Variants in C1QTNF3 observed in about 807,000 individuals in gnomAD.
C1QTNF3 encodes the protein complement C1q tumor necrosis factor-related protein 3.
Under a neutral mutation model 32.6 loss-of-function variants are expected in C1QTNF3, and 26 were observed. The observed-to-expected ratio is 0.80, with a 90% confidence interval of 0.58 to 1.11. C1QTNF3 has a LOEUF of 1.11. Among genes scored for constraint, C1QTNF3 ranks in the 50% least tolerant of loss-of-function variants. C1QTNF3 has a pLI of 0.00. For synonymous variants in C1QTNF3, 155 were observed against 146.0 expected, an observed-to-expected ratio of 1.06 and a Z score of -0.44; for missense variants, 362 against 398.2, an observed-to-expected ratio of 0.91 and a Z score of 0.77.
chr5:34,036,838 G>A (rs372604120), intron 1 of C1QTNF3, among the ~76,000 whole-genome samples: 2 of 152,116 alleles, frequency 1.3e-5, no homozygotes, highest in African/African-American at 4.8e-5. Flanking sequence ...TGTAATCCCA[G>A]CTACTTGGGA....
intron 1 of C1QTNF3, 75 bp from the exon 2 acceptor site, chr5:34,035,833 C>T (rs1484543624): frequency 1.8e-6 from 2 of 1,113,736 alleles, no homozygotes; most frequent in African/African-American, 1.6e-5. Flanking sequence ...TTCCACTGGC[C>T]TTGGCCCTTA....
At chr5:34,206,077 G>A in the C1QTNF3 span, among the ~76,000 whole-genome samples, 7 of 152,058 alleles carry the variant, frequency 4.6e-5, no homozygotes, top group African/African-American at 1.5e-4. Context: ...ACATTAATTG[G>A]TATTATATTT....
At chr5:34,146,244 G>A in the C1QTNF3 span, among the ~76,000 whole-genome samples, 3 of 152,124 alleles carry the variant, frequency 2.0e-5, no homozygotes, top group African/African-American at 7.2e-5. Context: ...CTCATGGATA[G>A]GAAGAATCAA....
rs148048439 is a variant in C1QTNF3 at position 34,027,301 on chromosome 5, C to A, written c.700+1453G>T. ...TTTAAGTATATTGGTACAACCCTTA[C>A]AGGGAGCAATTTGGCAAAATTGATA... On this transcript the variant is annotated intron_variant, in intron 4 of 5. Coordinates refer to ENST00000382065, the MANE Select transcript of C1QTNF3 (RefSeq NM_181435.6). Among the ~76,000 whole-genome samples, 29 of 152,272 alleles carry A rather than the reference C, an allele frequency of 1.9e-4. 1 individual carries two copies. The Middle Eastern group carries it at 0.014, about 71-fold the overall frequency.
At chr5:34,195,702 G>A in the C1QTNF3 span, among the ~76,000 whole-genome samples, 10 of 151,642 alleles carry the variant, frequency 6.6e-5, no homozygotes, top group East Asian at 1.9e-4. Flanking sequence ...TTAGCCGGGC[G>A]CAGTGGCGGG....
rs1397590725 is a variant in C1QTNF3 at position 34,035,682 on chromosome 5, C to G, written c.380G>C (p.Gly127Ala). The change falls in exon 2 of 6, where the codon GGC (glycine) becomes GCC (alanine). Residue 127 changes from glycine (G) to alanine (A), a missense_variant. Physicochemically the swap from Gly to Ala is moderately conservative, Grantham distance 60. Transcript: ENST00000382065. ...AGGAGGGCCCGGTGGCCCAGGGGGG[C>G]CTTGGTAGCCTCGAAAGCTGTAGTC... ...HGDYSFRGYQ[G>A]PPGPPGPPGI... The G allele has an allele frequency of 6.2e-7, 1 of 1,611,462 alleles. No individual in the cohort carries two copies. The highest frequency in any genetic ancestry group is 8.5e-7 in the Non-Finnish European group (1 of 1,179,246).
At chr5:34,043,739 A>C (rs2112127793), upstream of C1QTNF3, 1 of 152,622 alleles carries the variant, frequency 6.6e-6, no homozygotes, top group Admixed American at 6.5e-5. Context: ...CAAAACACTG[A>C]GCAGGATTCA....
the C1QTNF3 span, among the ~76,000 whole-genome samples, chr5:34,056,479 T>TATAGAG: frequency 7.9e-4 from 41 of 51,780 alleles, no homozygotes; most frequent in Admixed American, 1.4e-3. Flanking sequence ...TATATATATA[T>TATAGAG]AGAGAGAGAG....
chr5:34,213,336 G>C, the C1QTNF3 span, among the ~76,000 whole-genome samples: 2 of 152,034 alleles, frequency 1.3e-5, no homozygotes, highest in Non-Finnish European at 2.9e-5. Context: ...TCATTGCTAA[G>C]TGACACAAGG....
the C1QTNF3 span, among the ~76,000 whole-genome samples, chr5:34,112,322 G>T: frequency 6.6e-6 from 1 of 151,896 alleles, no homozygotes; most frequent in East Asian, 1.9e-4. Flanking sequence ...CATACTGAAA[G>T]ATCTGAGGAG....
At chr5:34,034,707 A>C (rs1754694407) in intron 2 of C1QTNF3, among the ~76,000 whole-genome samples, 1 of 152,186 alleles carries the variant, frequency 6.6e-6, no homozygotes, top group Non-Finnish European at 1.5e-5. Flanking sequence ...GTGTAACCTC[A>C]CAAGAGTTAA....
chr5:34,118,924 A>G, the C1QTNF3 span, among the ~76,000 whole-genome samples: 29 of 152,088 alleles, frequency 1.9e-4, no homozygotes, highest in Non-Finnish European at 3.4e-4. Context: ...GTGTATACAT[A>G]TATATATATT....
intron 5 of C1QTNF3, among the ~76,000 whole-genome samples, chr5:34,023,162 A>G (rs1043602446): frequency 3.9e-4 from 60 of 152,140 alleles, no homozygotes; most frequent in African/African-American, 1.4e-3. Context: ...GCTCAAAGTC[A>G]GTTTTATAGA....
chr5:34,026,509 T>C lies in C1QTNF3; in HGVS notation c.700+2245A>G, dbSNP rs138696750. ...GAAAAGAAAGAAAAAAAAAGTCTCC[T>C]GAAGGCAAGGGAACCAGGAAGTATA... On this transcript the variant is annotated intron_variant, in intron 4 of 5. Coordinates refer to ENST00000382065, the MANE Select transcript of C1QTNF3 (RefSeq NM_181435.6). Among the ~76,000 whole-genome samples, 574 of 150,208 alleles carry C rather than the reference T, an allele frequency of 3.8e-3. 18 individuals carry two copies. Among genetic ancestry groups the C allele is most frequent in the Admixed American group, 0.034 (517 of 15,096 alleles).
At chr5:34,068,656 C>T in the C1QTNF3 span, among the ~76,000 whole-genome samples, 1 of 151,988 alleles carries the variant, frequency 6.6e-6, no homozygotes, top group Non-Finnish European at 1.5e-5. Context: ...ATTTGTCATA[C>T]ATAAGTAATA....
At chr5:34,153,720 G>T in the C1QTNF3 span, among the ~76,000 whole-genome samples, 18 of 97,698 alleles carry the variant, frequency 1.8e-4, no homozygotes, top group African/African-American at 6.4e-4. Flanking sequence ...GTCGGGGGAG[G>T]GGGGAGGGAT....
chr5:34,171,230 C>T, the C1QTNF3 span, among the ~76,000 whole-genome samples: 5 of 151,856 alleles, frequency 3.3e-5, no homozygotes, highest in African/African-American at 4.8e-5. Context: ...GAGATATTTT[C>T]ATTAAGCATA....
chr5:34,154,437 C>G, the C1QTNF3 span, among the ~76,000 whole-genome samples: 254 of 152,230 alleles, frequency 1.7e-3, 1 homozygote, highest in African/African-American at 5.8e-3. Flanking sequence ...AAATGTTACC[C>G]TGTGTCCTTG....
At chr5:34,224,712 T>G in the C1QTNF3 span, among the ~76,000 whole-genome samples, 1 of 152,074 alleles carries the variant, frequency 6.6e-6, no homozygotes, top group Admixed American at 6.6e-5. Context: ...GAAGAAAACC[T>G]AGGCATTACC....
Sources: allele counts gnomAD v4.1 joint callset (sites outside exome capture counted in the v4.1 genomes callset), GRCh38; gene constraint gnomAD v4.1.1; transcripts MANE v1.5; gene names NCBI Gene and HGNC (gene_info 2026-07-23, HGNC 2026-07-21).